RBM7: variants seen among roughly 807,000 people sequenced by gnomAD.
RBM7 encodes RNA binding motif protein 7.
Under a neutral mutation model 31.0 loss-of-function variants are expected in RBM7, and 13 were observed. The observed-to-expected ratio is 0.42, with a 90% CI of 0.27 to 0.67. RBM7 has a LOEUF of 0.67. RBM7 is among the 30% of genes least tolerant of loss of function. The pLI is 0.24. For missense variants in RBM7, 245 were observed against 326.2 expected, an observed-to-expected ratio of 0.75 and a Z score of 1.92; for synonymous variants, 106 against 111.2, an observed-to-expected ratio of 0.95 and a Z score of 0.30.
chr11:114,402,962 T>G (rs370365602), intron 3 of RBM7, 47 bp downstream of exon 3: 2 of 1,443,368 alleles, frequency 1.4e-6, no homozygotes, highest in African/African-American at 2.8e-5. Context: ...GGAATTCTTA[T>G]AGGGAATAGC....
intron 3 of RBM7, 78 bp downstream of exon 3, chr11:114,402,993 A>C (rs1007433950): frequency 2.6e-6 from 3 of 1,172,688 alleles, no homozygotes; most frequent in Non-Finnish European, 3.8e-6. Flanking sequence ...ATGAGTAAAT[A>C]GTCTCCTTCA....
rs746116782 is a variant in RBM7 at position 114,407,654 on chromosome 11, A to G, written c.651A>G (p.Glu217=). 3.1e-6 allele frequency: 5 copies of G among 1,614,156 alleles called. No homozygotes were observed. In the South Asian group the frequency reaches 4.4e-5, roughly 14 times the overall value. Reference sequence around the variant, plus strand: ...TAGCAGATAGACATTATAGCCGGGAACAGCGTTACACTGATCATGGGTCTG... The same window carrying G: ...TAGCAGATAGACATTATAGCCGGGAGCAGCGTTACACTGATCATGGGTCTG... ...PYLADRHYSR[E]QRYTDHGSDH... Residue 217 remains glutamate, a synonymous_variant, in exon 5 of 5, where the codon GAA becomes GAG. Coordinates refer to ENST00000375490, the MANE Select transcript of RBM7 (RefSeq NM_001286045.2).
chr11:114,409,276 T>G lies in RBM7; in HGVS notation c.*1469T>G, dbSNP rs1946308582. 1 of 152,222 alleles carries G rather than the reference T, an allele frequency of 6.6e-6. No individual in the cohort carries two copies. Among genetic ancestry groups the G allele is most frequent in the African/African-American group, 2.4e-5 (1 of 41,476 alleles). The allele number at this position is 152,222 out of a possible 1,614,324, so 9.4% of individuals were successfully genotyped here. ...TGTTTGCTTAAGCATTTTCACAGAATTTGTTTCCAATGAGATTATTATTTT... is the reference window on the plus strand; with the variant it reads ...TGTTTGCTTAAGCATTTTCACAGAAGTTGTTTCCAATGAGATTATTATTTT... On this transcript the variant is annotated 3_prime_UTR_variant, in exon 5 of 5. Transcript: ENST00000375490.
intron 2 of RBM7, among the ~76,000 whole-genome samples, chr11:114,402,553 G>GCC (rs1565260225): frequency 6.6e-6 from 1 of 151,448 alleles, no homozygotes; most frequent in African/African-American, 2.4e-5. Flanking sequence ...ACAGGTGCAC[G>GCC]CCACCACGCC....
In RBM7 at chr11:114,407,473, A is replaced by G. The variant is rs776672227; in HGVS notation, c.470A>G (p.Tyr157Cys). ...AACAGTGCTTTGAGACAAATGTCAT[A>G]TGGTGGAAAATTTGGTTCTTCACCT... Reference protein sequence around the residue: ...VMNSALRQMSYGGKFGSSPLD... With the variant: ...VMNSALRQMSCGGKFGSSPLD... Residue 157 changes from tyrosine (Y) to cysteine (C), a missense_variant, in exon 5 of 5, where the codon TAT becomes TGT. Coordinates refer to ENST00000375490, the MANE Select transcript of RBM7 (RefSeq NM_001286045.2). 1.2e-6 allele frequency: 2 copies of G among 1,613,530 alleles called. No individual in the cohort carries two copies. The highest frequency in any genetic ancestry group is 2.7e-5 in the African/African-American group (2 of 74,896).
chr11:114,401,911 T>G (rs1946207449), intron 2 of RBM7, 51 bp downstream of exon 2: 1 of 1,496,746 alleles, frequency 6.7e-7, no homozygotes, highest in Admixed American at 2.6e-5. Context: ...GTTTTTAAAT[T>G]TATTATTCAG....
rs539649343 is a variant in RBM7, at chr11:114,408,512, G to A, written c.*705G>A. The A allele has an allele frequency of 1.3e-5, 2 of 152,746 alleles. No homozygotes were observed. Among genetic ancestry groups the A allele is most frequent in the South Asian group, 2.1e-4 (1 of 4,820 alleles). The allele number at this position is 152,746 out of a possible 1,614,324, so 9.5% of individuals were successfully genotyped here. A position where few individuals can be genotyped will look rare whatever the true frequency, so the allele number is the denominator to read the frequency against. ...AGTGTTAGCATAAATCCCCTTTTCA[G>A]GAAGAACAAAAATGTCAGTGCATAG... On this transcript the variant is annotated 3_prime_UTR_variant, in exon 5 of 5. Transcript: ENST00000375490.
At position 114,410,423 on chromosome 11, in the gene RBM7, T is replaced by G. The variant is rs1946321722; in HGVS notation, c.*2616T>G. The G allele has an allele frequency of 6.6e-6, 1 of 152,206 alleles. No homozygotes were observed. The highest frequency in any genetic ancestry group is 2.1e-4 in the South Asian group (1 of 4,832). The allele number at this position is 152,206 out of a possible 1,614,324, so 9.4% of individuals were successfully genotyped here. On this transcript the variant is annotated 3_prime_UTR_variant, in exon 5 of 5. Coordinates refer to ENST00000375490, the MANE Select transcript of RBM7 (RefSeq NM_001286045.2). Reference sequence around the variant, plus strand: ...TATACCACTTTCTAATTATGTTGTGTGTGCCCACTTTCCCCATACCTACTG... The same window carrying G: ...TATACCACTTTCTAATTATGTTGTGGGTGCCCACTTTCCCCATACCTACTG...
intron 2 of RBM7, 58 bp from the exon 3 acceptor site, chr11:114,402,770 A>G: frequency 7.0e-7 from 1 of 1,421,532 alleles, no homozygotes; most frequent in East Asian, 2.3e-5. Flanking sequence ...AGTGGGGAAG[A>G]CAAAATTTCA....
chr11:114,407,226 T>A, intron 4 of RBM7: 1 of 433,214 alleles, frequency 2.3e-6, no homozygotes. Context: ...TTGTGTGACT[T>A]ATTCTGAGTT....
Position 114,407,750 on chromosome 11 carries a change from C to A in RBM7, c.747C>A (p.Asp249Glu). Residue 249 changes from aspartate (D) to glutamate (E), a missense_variant, in exon 5 of 5, where the codon GAC (aspartate) becomes GAA (glutamate). Transcript: ENST00000375490. ...GGAATCATGATGACTGGAGCCATGA[C>A]TATGATAACAGAAGAGACAGTAGTA... ...EDRNHDDWSH[D>E]YDNRRDSSRD... The A allele has an allele frequency of 6.2e-7, 1 of 1,613,528 alleles. No homozygotes were observed.
intron 2 of RBM7, 95 bp downstream of exon 2, chr11:114,401,955 C>A (rs1256515113): frequency 4.8e-5 from 63 of 1,299,562 alleles, no homozygotes; most frequent in Non-Finnish European, 6.3e-5. Context: ...GATGAAACTT[C>A]TTTCTTAAGC....
chr11:114,401,814 T>A lies in RBM7; in HGVS notation c.213T>A (p.Asn71Lys). ...VSVPYAMNLLNGIKLYGRPIK... is the reference protein window; with the variant it reads ...VSVPYAMNLLKGIKLYGRPIK... ...TTCCTTATGCAATGAATCTACTTAA[T>A]GGAATCAAACTTTATGGAAGGCCTA... The change falls in exon 2 of 5, where the codon AAT becomes AAA. Residue 71 changes from asparagine (N) to lysine (K), a missense_variant. Physicochemically the swap from Asn to Lys is moderately conservative, Grantham distance 94. Transcript: ENST00000375490. 1.9e-6 allele frequency: 3 copies of A among 1,591,962 alleles called. No individual in the cohort carries two copies. The highest frequency in any genetic ancestry group is 2.6e-6 in the Non-Finnish European group (3 of 1,172,454).
chr11:114,401,227 A>G (rs561884926), intron 1 of RBM7, among the ~76,000 whole-genome samples: 1 of 152,328 alleles, frequency 6.6e-6, no homozygotes, highest in South Asian at 2.1e-4. Flanking sequence ...AAAATGGTTA[A>G]GTACTCCGTA....
intron 2 of RBM7, chr11:114,402,313 A>C (rs1946212933): frequency 6.5e-6 from 1 of 153,062 alleles, no homozygotes; most frequent in African/African-American, 2.5e-5. Context: ...TGTTTTGCTT[A>C]TCTGATATTA....
intron 3 of RBM7, among the ~76,000 whole-genome samples, chr11:114,403,719 C>G (rs1451295715): frequency 6.6e-6 from 1 of 152,138 alleles, no homozygotes; most frequent in African/African-American, 2.4e-5. Context: ...ATTTTTATCT[C>G]TACCTCTTAT....
chr11:114,404,227 A>C (rs1236121003), intron 3 of RBM7, among the ~76,000 whole-genome samples: 1 of 152,190 alleles, frequency 6.6e-6, no homozygotes, highest in African/African-American at 2.4e-5. Flanking sequence ...AAAATAGAGC[A>C]GTGAGGAAGC....
At chr11:114,401,959 C>T (rs1946208182) in intron 2 of RBM7, 99 bp downstream of exon 2, 2 of 1,282,114 alleles carry the variant, frequency 1.6e-6, no homozygotes, top group African/African-American at 1.6e-5. Context: ...AAACTTCTTT[C>T]TTAAGCATTG....
rs770762090 is a variant in RBM7, at chr11:114,400,725, A to C, written c.54A>C (p.Glu18Asp). 1 of 1,614,174 alleles carries C rather than the reference A, an allele frequency of 6.2e-7. No homozygotes were observed. The highest frequency in any genetic ancestry group is 1.1e-5 in the South Asian group (1 of 91,086). Residue 18 changes from glutamate (E) to aspartate (D), a missense_variant, in exon 1 of 5, where the codon GAA (glutamate) becomes GAC (aspartate). Coordinates refer to ENST00000375490, the MANE Select transcript of RBM7 (RefSeq NM_001286045.2). ...GCACTCTCTTTGTGGGCAACCTTGAAACGAAAGTGACCGAGGAGCTCCTTT... is the reference window on the plus strand; with the variant it reads ...GCACTCTCTTTGTGGGCAACCTTGACACGAAAGTGACCGAGGAGCTCCTTT... The part of the protein sequence containing the change: ...ADRTLFVGNL[E>D]TKVTEELLFE...
Sources: gnomAD v4.1 joint callset for allele counts (sites outside exome capture counted in the v4.1 genomes callset) on GRCh38, gnomAD v4.1.1 for gene constraint, MANE v1.5 for transcripts, NCBI Gene and HGNC (gene_info 2026-07-23, HGNC 2026-07-21) for gene names.